Variants in KCTD20 observed in about 807,000 individuals in gnomAD.
KCTD20 encodes the protein potassium channel tetramerization domain containing 20.
Under a neutral mutation model 39.6 loss-of-function variants are expected in KCTD20, and 30 were observed. The observed-to-expected ratio is 0.76, with a 90% CI of 0.57 to 1.03. The LOEUF is 1.03. Ranked by LOEUF, KCTD20 falls within the 50% of genes least tolerant of loss-of-function variation. KCTD20 has a pLI of 0.00. For synonymous variants in KCTD20, 162 were observed against 180.6 expected (o/e 0.90, Z 0.83); for missense variants, 422 against 522.0 (o/e 0.81, Z 1.87).
At chr6:36,464,395 T>C (rs1775682080) in intron 1 of KCTD20, among the ~76,000 whole-genome samples, 1 of 152,180 alleles carries the variant, frequency 6.6e-6, no homozygotes, top group Non-Finnish European at 1.5e-5. Flanking sequence ...AATGGGTTAC[T>C]ACAGCCTTGA....
chr6:36,444,689 G>A lies in KCTD20; in HGVS notation c.-47+1578G>A, dbSNP rs146144457. Among the ~76,000 whole-genome samples, 172 of 152,262 alleles carry A rather than the reference G, an allele frequency of 1.1e-3. 1 individual carries two copies. The highest frequency in any genetic ancestry group is 4.8e-3 in the South Asian group (23 of 4,828). On this transcript the variant is annotated intron_variant, in intron 1 of 7. Coordinates refer to ENST00000373731, the MANE Select transcript of KCTD20 (RefSeq NM_173562.5). ...GTTAATTTAGTCATCAAATACCTGC[G>A]TAATGCCTATTTTCCTCAAAGCACT...
chr6:36,470,088 G>A lies in KCTD20; in HGVS notation c.-10G>A. The A allele has an allele frequency of 6.2e-7, 1 of 1,610,088 alleles. No homozygotes were observed. Among genetic ancestry groups the A allele is most frequent in the Non-Finnish European group, 8.5e-7 (1 of 1,177,234 alleles). ...GATCAAACGGACAGTTCAGGACTCA[G>A]AATCTAAGGATGAATGTTCACCGTG... On this transcript the variant is annotated 5_prime_UTR_variant, in exon 2 of 8. Coordinates refer to ENST00000373731, the MANE Select transcript of KCTD20 (RefSeq NM_173562.5).
chr6:36,485,842 C>A (rs908475607), intron 7 of KCTD20, among the ~76,000 whole-genome samples: 1 of 152,010 alleles, frequency 6.6e-6, no homozygotes, highest in Non-Finnish European at 1.5e-5. Flanking sequence ...CTTGTTGCCT[C>A]ATTTCTGCCC....
At position 36,449,399 on chromosome 6, in the gene KCTD20, CACAGAGCGCT is replaced by C. The variant is rs1775165709; in HGVS notation, c.-47+6289_-47+6298del. ...TAGACACAGAGCGCTGATTGATAGA[CACAGAGCGCT>C]GATTCATGCGTTTTTACATAGTGCT... On this transcript the variant is annotated intron_variant, in intron 1 of 7. Transcript: ENST00000373731. Among the ~76,000 whole-genome samples, 4 of 151,134 alleles carry C rather than the reference CACAGAGCGCT, an allele frequency of 2.6e-5. No homozygotes were observed. The South Asian group carries it at 8.4e-4, about 32-fold the overall frequency.
rs1219327746 is a variant in KCTD20 at position 36,443,083 on chromosome 6, G to C, written c.-75G>C. The C allele has an allele frequency of 6.6e-6, 1 of 151,996 alleles. No individual in the cohort carries two copies. The highest frequency in any genetic ancestry group is 1.5e-5 in the Non-Finnish European group (1 of 68,022). 9.4% of individuals were successfully genotyped at this position (151,996 alleles called of 1,614,324 possible). A position where few individuals can be genotyped will look rare whatever the true frequency, so the allele number is the denominator to read the frequency against. The stretch of plus-strand genomic sequence containing the variant: ...CGCCTCCCGGGCGGATTCCAGCCCC[G>C]AGCGGGACAGCGCGGCGGGGAGCGA... On this transcript the variant is annotated 5_prime_UTR_variant, in exon 1 of 8. Transcript: ENST00000373731.
At chr6:36,455,733 C>G (rs1367563230) in intron 1 of KCTD20, among the ~76,000 whole-genome samples, 1 of 152,182 alleles carries the variant, frequency 6.6e-6, no homozygotes, top group African/African-American at 2.4e-5. Flanking sequence ...GAGGGACAGG[C>G]AGGACCTCTA....
In KCTD20 at chr6:36,488,571, GTTTCAGATTT is replaced by G. The variant is rs1468731502; in HGVS notation, c.*1408_*1417del. The G allele has an allele frequency of 6.6e-6, 1 of 152,166 alleles. No individual in the cohort carries two copies. The highest frequency in any genetic ancestry group is 6.5e-5 in the Admixed American group (1 of 15,272). The allele number at this position is 152,166 out of a possible 1,614,324, so 9.4% of individuals were successfully genotyped here. Reference sequence around the variant, plus strand: ...ATCCAAAATGCTAGGGACCAGAAAGGTTTCAGATTTTTTCAGATTTTGGAATACTTAACAG... The same window carrying G: ...ATCCAAAATGCTAGGGACCAGAAAGGTTTCAGATTTTGGAATACTTAACAG... On this transcript the variant is annotated 3_prime_UTR_variant, in exon 8 of 8. Coordinates refer to ENST00000373731, the MANE Select transcript of KCTD20 (RefSeq NM_173562.5).
chr6:36,471,406 C>G (rs1313726004), intron 2 of KCTD20, among the ~76,000 whole-genome samples: 1 of 152,182 alleles, frequency 6.6e-6, no homozygotes, highest in African/African-American at 2.4e-5. Flanking sequence ...GCCATCATGT[C>G]CATATTGTCT....
At chr6:36,450,643 A>C (rs1329609670) in intron 1 of KCTD20, among the ~76,000 whole-genome samples, 1 of 152,156 alleles carries the variant, frequency 6.6e-6, no homozygotes, top group Non-Finnish European at 1.5e-5. Flanking sequence ...TACCCTGAGA[A>C]GCATATTATG....
At chr6:36,477,846 C>T (rs1776114328) in intron 3 of KCTD20, among the ~76,000 whole-genome samples, 1 of 149,550 alleles carries the variant, frequency 6.7e-6, no homozygotes, top group African/African-American at 2.4e-5. Context: ...TGGCTCACGC[C>T]TGTAATCCCA....
At chr6:36,474,056 ATTTTGTTTTGTTTTGTTTTTG>A (rs1292315225) in intron 2 of KCTD20, among the ~76,000 whole-genome samples, 1 of 152,036 alleles carries the variant, frequency 6.6e-6, no homozygotes, top group African/African-American at 2.4e-5. Flanking sequence ...GAAAAATAAA[ATTTTGTTTTGTTTTGTTTTTG>A]TTTTGTTTTG....
intron 7 of KCTD20, among the ~76,000 whole-genome samples, chr6:36,486,123 G>T (rs2127458623): frequency 6.6e-6 from 1 of 152,076 alleles, no homozygotes; most frequent in African/African-American, 2.4e-5. Context: ...GCCCAGGCTG[G>T]TTTTGAACTC....
At chr6:36,447,708 A>G (rs1168805563) in intron 1 of KCTD20, among the ~76,000 whole-genome samples, 6 of 151,872 alleles carry the variant, frequency 4.0e-5, no homozygotes, top group Non-Finnish European at 8.8e-5. Context: ...AATTTATTTC[A>G]TGGTGGGTGC....
rs549117881 is a variant in KCTD20 at position 36,482,306 on chromosome 6, C to T, written c.856+547C>T. The stretch of plus-strand genomic sequence containing the variant: ...CGGTAGCTCATGCCTGTAATCCCAG[C>T]ACTTTGGGAGGCCGAGGCAGGCGAA... On this transcript the variant is annotated intron_variant, in intron 6 of 7. Coordinates refer to ENST00000373731, the MANE Select transcript of KCTD20 (RefSeq NM_173562.5). Among the ~76,000 whole-genome samples, 83 of 152,316 alleles carry T rather than the reference C, an allele frequency of 5.4e-4. No individual in the cohort carries two copies. The South Asian group carries it at 0.016, about 29-fold the overall frequency.
intron 3 of KCTD20, 55 bp downstream of exon 3, chr6:36,475,117 C>T (rs1381790186): frequency 6.5e-6 from 10 of 1,535,694 alleles, no homozygotes; most frequent in Middle Eastern, 3.5e-4. Context: ...AATAAAAATA[C>T]CTGCTGTTTA....
In KCTD20 at chr6:36,470,059, C is replaced by G. The variant is rs1477182042; in HGVS notation, c.-39C>G. 2 of 1,509,834 alleles carry G rather than the reference C, an allele frequency of 1.3e-6. No homozygotes were observed. The highest frequency in any genetic ancestry group is 2.0e-5 in the Admixed American group (1 of 50,866). The allele number at this position is 1,509,834 out of a possible 1,614,324, so 93.5% of individuals were successfully genotyped here. A position where few individuals can be genotyped will look rare whatever the true frequency, so the allele number is the denominator to read the frequency against. On this transcript the variant is annotated 5_prime_UTR_variant, in exon 2 of 8. Coordinates refer to ENST00000373731, the MANE Select transcript of KCTD20 (RefSeq NM_173562.5). ...CATATTCCTGTGTTCCAGGATTTCT[C>G]TCTGATCAAACGGACAGTTCAGGAC...
At chr6:36,484,386 A>G (rs1472743508) in intron 6 of KCTD20, among the ~76,000 whole-genome samples, 1 of 152,198 alleles carries the variant, frequency 6.6e-6, no homozygotes, top group Non-Finnish European at 1.5e-5. Context: ...TAAGGAAATT[A>G]ACCTTTTATG....
chr6:36,473,634 A>G (rs957791108), intron 2 of KCTD20, among the ~76,000 whole-genome samples: 25 of 151,864 alleles, frequency 1.6e-4, no homozygotes, highest in Non-Finnish European at 2.1e-4. Flanking sequence ...TTAGCCAGGC[A>G]TGGTGGCGGG....
At chr6:36,481,953 CTT>C (rs1315659976) in intron 6 of KCTD20, among the ~76,000 whole-genome samples, 194 bp downstream of exon 6, 1 of 152,210 alleles carries the variant, frequency 6.6e-6, no homozygotes, top group Non-Finnish European at 1.5e-5. Context: ...ACCATTCACT[CTT>C]TCTCTGGTGT....
Sources: gnomAD v4.1 joint callset for allele counts (sites outside exome capture counted in the v4.1 genomes callset) on GRCh38, gnomAD v4.1.1 for gene constraint, MANE v1.5 for transcripts, NCBI Gene and HGNC (gene_info 2026-07-23, HGNC 2026-07-21) for gene names.